The following MOV10 variants were observed in gnomAD, a reference collection of about 807,000 sequenced individuals.
The protein encoded by MOV10 is Mov10 RNA helicase, also known as RNA helicase MOV-10.
MOV10 carries 39 observed loss-of-function variants against 108.4 expected under a neutral mutation model. That is an observed-to-expected ratio of 0.36 (90% CI 0.28 to 0.47). The LOEUF (loss-of-function observed/expected upper bound fraction) is 0.47. Among genes scored for constraint, MOV10 ranks in the 20% least tolerant of loss-of-function variants. The pLI is 1.00. For synonymous variants in MOV10, 490 were observed against 523.1 expected (o/e 0.94, Z 0.86); for missense variants, 952 against 1,297.6 (o/e 0.73, Z 4.09).
In MOV10 at chr1:112,675,007, G is replaced by A. The variant is rs1672066965; in HGVS notation, c.95G>A (p.Arg32His). 1.9e-6 allele frequency: 3 copies of A among 1,584,330 alleles called. No individual in the cohort carries two copies. The highest frequency in any genetic ancestry group is 1.7e-6 in the Non-Finnish European group (2 of 1,166,322). Reference sequence around the variant, plus strand: ...CGGGGACTGGACATGGAGACAGATCGCGAGCGGCTGCGGACCATTTATAAC... The same window carrying A: ...CGGGGACTGGACATGGAGACAGATCACGAGCGGCTGCGGACCATTTATAAC... ...VVRGLDMETD[R>H]ERLRTIYNRD... The change falls in exon 2 of 21, where the codon CGC becomes CAC. Residue 32 changes from arginine to histidine, a missense_variant. This residue lies in a region of MOV10 where 374 missense variants were observed against 468.6 expected (regional missense o/e 0.80). Transcript: ENST00000369645. The surrounding 1 kb of genome is among the most constrained non-coding windows in gnomAD (Gnocchi z 4.7).
intron 2 of MOV10, among the ~76,000 whole-genome samples, chr1:112,681,689 T>C (rs1672664156): frequency 6.6e-6 from 1 of 152,138 alleles, no homozygotes; most frequent in African/African-American, 2.4e-5. Flanking sequence ...CCTAGATTTC[T>C]TTTAACGTTT....
In MOV10 at chr1:112,700,643, C is replaced by G. The variant is rs1003712852; in HGVS notation, c.*136C>G. 4 of 1,541,830 alleles carry G rather than the reference C, an allele frequency of 2.6e-6. No homozygotes were observed. The Admixed American group carries it at 6.1e-5, about 24-fold the overall frequency. ...AGTTTACAACCCAAGCCATTCCACC[C>G]CCTCCCCTGCTGGGGAGAATGACAC... On this transcript the variant is annotated 3_prime_UTR_variant, in exon 21 of 21. Transcript: ENST00000369645.
At position 112,688,949 on chromosome 1, in the gene MOV10, C is replaced by T; in HGVS notation, c.152C>T (p.Ala51Val). 2 of 1,612,372 alleles carry T rather than the reference C, an allele frequency of 1.2e-6. No individual in the cohort carries two copies. The highest frequency in any genetic ancestry group is 1.7e-6 in the Non-Finnish European group (2 of 1,180,020). Residue 51 changes from alanine to valine, a missense_variant, in exon 3 of 21, where the codon GCC (alanine) becomes GTC (valine). By Grantham distance (64) the Ala-to-Val change is moderately conservative. Transcript: ENST00000369645. ...GCTTCTGGCAGCTTTGGGACCCCCG[C>T]CCCTGGCTTCTCCTCCATGCTGTAT... ...RDFKISFGTP[A>V]PGFSSMLYGM... is the part of the protein sequence containing the mutation.
In MOV10 at chr1:112,674,732, A is replaced by G; in HGVS notation, c.-66+3A>G. The G allele has an allele frequency of 1.8e-6, 1 of 552,182 alleles. No individual in the cohort carries two copies. The highest frequency in any genetic ancestry group is 3.1e-6 in the Non-Finnish European group (1 of 323,584). 34.2% of individuals were successfully genotyped at this position (552,182 alleles called of 1,614,324 possible). A position where few individuals can be genotyped will look rare whatever the true frequency, so the allele number is the denominator to read the frequency against. On this transcript the variant is annotated splice_donor_region_variant and intron_variant, in intron 1 of 20. Coordinates refer to ENST00000369645, the MANE Select transcript of MOV10 (RefSeq NM_001321324.2). ...AAGAAACCGAAGGGAAAGCTCAGGT[A>G]AGAAAAGAACGGAGGAGGGAAGCCT...
In MOV10 at chr1:112,694,369, C is replaced by T; in HGVS notation, c.1296-84C>T. ...GAGGTCTTGGAAAGAGGGGTTGGGA[C>T]ACTGGTTGGTGGAGAAAGTTCTGGC... On this transcript the variant is annotated intron_variant, in intron 8 of 20. Coordinates refer to ENST00000369645, the MANE Select transcript of MOV10 (RefSeq NM_001321324.2). The surrounding 1 kb of genome is among the most constrained non-coding windows in gnomAD (Gnocchi z 4.1). 1 of 1,550,736 alleles carries T rather than the reference C, an allele frequency of 6.4e-7. No individual in the cohort carries two copies. Among genetic ancestry groups the T allele is most frequent in the Non-Finnish European group, 8.9e-7 (1 of 1,129,050 alleles).
intron 5 of MOV10, 148 bp downstream of exon 5, chr1:112,690,246 G>A (rs1673463287): frequency 9.4e-7 from 1 of 1,063,258 alleles, no homozygotes; most frequent in African/African-American, 1.6e-5. Context: ...TTCTGTCAAG[G>A]AAGAAAGTTG....
intron 2 of MOV10, among the ~76,000 whole-genome samples, chr1:112,678,849 G>T (rs1291111020): frequency 3.3e-5 from 5 of 151,992 alleles, no homozygotes; most frequent in Non-Finnish European, 7.4e-5. Flanking sequence ...CTGGCTTCTG[G>T]CGTGGAGAGT....
At position 112,700,512 on chromosome 1, in the gene MOV10, A is replaced by C; in HGVS notation, c.*5A>C. ...GAGTGGAGGAATGAGCTCTGAAGAC[A>C]CAGCACCCAGCCTTCTCGCACCAGC... On this transcript the variant is annotated 3_prime_UTR_variant, in exon 21 of 21. Transcript: ENST00000369645. The C allele has an allele frequency of 3.1e-6, 5 of 1,612,714 alleles. No homozygotes were observed. Among genetic ancestry groups the C allele is most frequent in the Non-Finnish European group, 3.4e-6 (4 of 1,179,226 alleles).
At chr1:112,686,105 C>A (rs141604551) in intron 2 of MOV10, among the ~76,000 whole-genome samples, 106 of 152,292 alleles carry the variant, frequency 7.0e-4, no homozygotes, top group Non-Finnish European at 1.3e-3. Flanking sequence ...CCACAAAGCC[C>A]TCTTTCTGCC....
intron 2 of MOV10, among the ~76,000 whole-genome samples, chr1:112,682,411 T>TG (rs1352292671): frequency 2.0e-5 from 3 of 152,144 alleles, no homozygotes; most frequent in African/African-American, 7.2e-5. Context: ...TTTGTGGAGA[T>TG]GGGGTCTGTC....
chr1:112,695,437 G>T lies in MOV10; in HGVS notation c.1642G>T (p.Ala548Ser). 6.2e-7 allele frequency: 1 copy of T among 1,614,132 alleles called. No homozygotes were observed. The highest frequency in any genetic ancestry group is 8.5e-7 in the Non-Finnish European group (1 of 1,180,002). Residue 548 changes from alanine (A) to serine (S), a missense_variant, in exon 11 of 21, where the codon GCC (alanine) becomes TCC (serine). Transcript: ENST00000369645. ...IKQVVKHLPK[A>S]HILACAPSNS... Reference sequence around the variant, plus strand: ...TCAGGTGGTGAAGCACTTGCCCAAAGCCCACATCTTGGCCTGCGCTCCATC... The same window carrying T: ...TCAGGTGGTGAAGCACTTGCCCAAATCCCACATCTTGGCCTGCGCTCCATC...
At chr1:112,685,569 C>T (rs983845414) in intron 2 of MOV10, among the ~76,000 whole-genome samples, 1 of 151,622 alleles carries the variant, frequency 6.6e-6, no homozygotes, top group Non-Finnish European at 1.5e-5. Context: ...GCAGGAGACT[C>T]ACTTGAACCC....
intron 2 of MOV10, among the ~76,000 whole-genome samples, chr1:112,681,422 A>G (rs1053609167): frequency 1.3e-5 from 2 of 152,066 alleles, no homozygotes; most frequent in African/African-American, 4.8e-5. Flanking sequence ...TGAACCCGGG[A>G]GGCGGAAGTT....
chr1:112,699,838 A>G (rs1165840472), intron 18 of MOV10, 28 bp downstream of exon 18: 3 of 1,614,008 alleles, frequency 1.9e-6, no homozygotes, highest in Non-Finnish European at 2.5e-6. Flanking sequence ...GGTGGCAGGA[A>G]TTCTTCCATT....
In MOV10 at chr1:112,689,657, G is replaced by A. The variant is rs768125547; in HGVS notation, c.577+7G>A. 6.2e-7 allele frequency: 1 copy of A among 1,613,312 alleles called. No individual in the cohort carries two copies. Among genetic ancestry groups the A allele is most frequent in the South Asian group, 1.1e-5 (1 of 91,042 alleles). Reference sequence around the variant, plus strand: ...CCCTGTCCACTGGGCCCCGGTGAGTGAGTTTCCAAAGGAAAGAGCTGGTGG... The same window carrying A: ...CCCTGTCCACTGGGCCCCGGTGAGTAAGTTTCCAAAGGAAAGAGCTGGTGG... On this transcript the variant is annotated splice_region_variant and intron_variant, in intron 4 of 20. Coordinates refer to ENST00000369645, the MANE Select transcript of MOV10 (RefSeq NM_001321324.2).
At chr1:112,686,352 A>AC (rs1034343914) in intron 2 of MOV10, among the ~76,000 whole-genome samples, 1 of 152,140 alleles carries the variant, frequency 6.6e-6, no homozygotes, top group African/African-American at 2.4e-5. Flanking sequence ...TGTGAAAGTT[A>AC]CTGATGATCT....
intron 14 of MOV10, 184 bp from the exon 15 acceptor site, chr1:112,697,810 T>C (rs1674245899): frequency 3.1e-6 from 2 of 642,080 alleles, no homozygotes; most frequent in Non-Finnish European, 5.6e-6. Flanking sequence ...TGGAACTATA[T>C]TTGGTTCTGC....
At chr1:112,693,897 T>C in intron 7 of MOV10, 121 bp from the exon 8 acceptor site, 2 of 778,114 alleles carry the variant, frequency 2.6e-6, no homozygotes, top group Non-Finnish European at 4.2e-6. Flanking sequence ...CATAACTCCC[T>C]GAGTCTTAGG....
rs1253949409 is a variant in MOV10 at position 112,675,022 on chromosome 1, C to T, written c.110C>T (p.Thr37Ile). 1.3e-6 allele frequency: 2 copies of T among 1,591,058 alleles called. No individual in the cohort carries two copies. The highest frequency in any genetic ancestry group is 1.7e-6 in the Non-Finnish European group (2 of 1,169,274). The change falls in exon 2 of 21, where the codon ACC becomes ATC. Residue 37 changes from threonine (T) to isoleucine (I), a missense_variant. Coordinates refer to ENST00000369645, the MANE Select transcript of MOV10 (RefSeq NM_001321324.2). This position sits in a 1 kb window ranked among gnomAD's most constrained non-coding sequence, Gnocchi z 4.7. Reference protein sequence around the residue: ...DMETDRERLRTIYNRDFKISF... With the variant: ...DMETDRERLRIIYNRDFKISF... Reference sequence around the variant, plus strand: ...GAGACAGATCGCGAGCGGCTGCGGACCATTTATAACCGCGACTTCAAGATC... The same window carrying T: ...GAGACAGATCGCGAGCGGCTGCGGATCATTTATAACCGCGACTTCAAGATC...
Sources: allele counts gnomAD v4.1 joint callset (sites outside exome capture counted in the v4.1 genomes callset), GRCh38; gene constraint gnomAD v4.1.1; regional missense constraint gnomAD v4.1.1; non-coding constraint Gnocchi (gnomAD v3.1); transcripts MANE v1.5; gene names NCBI Gene and HGNC (gene_info 2026-07-23, HGNC 2026-07-21).